The following ZFX variants were observed in gnomAD, a reference collection of about 807,000 sequenced individuals.
The protein encoded by ZFX is zinc finger X-chromosomal protein.
For missense variants in ZFX, 362 were observed against 628.3 expected, an observed-to-expected ratio of 0.58 and a Z score of 4.53; for synonymous variants, 196 against 226.8, an observed-to-expected ratio of 0.86 and a Z score of 1.22.
chrX:24,153,200 A>C (rs1439072538), intron 3 of ZFX, among the ~76,000 whole-genome samples: 1 of 111,866 alleles, frequency 8.9e-6, no homozygotes, highest in Non-Finnish European at 1.9e-5. Flanking sequence ...TTCACTCTTA[A>C]AACTACTCAA....
intron 5 of ZFX, among the ~76,000 whole-genome samples, chrX:24,204,208 T>TG (rs1440866612): frequency 8.9e-6 from 1 of 112,400 alleles, no homozygotes; most frequent in African/African-American, 3.2e-5. Flanking sequence ...GACAAAGGTT[T>TG]GGGGCTGCCA....
At chrX:24,156,742 C>T (rs554653359) in intron 3 of ZFX, among the ~76,000 whole-genome samples, 5 of 104,231 alleles carry the variant, frequency 4.8e-5, no homozygotes, top group African/African-American at 1.8e-4. Flanking sequence ...GCAAGCTTCA[C>T]CTCCTGGGCT....
At chrX:24,175,729 C>A (rs1357887148) in intron 4 of ZFX, among the ~76,000 whole-genome samples, 1 of 111,197 alleles carries the variant, frequency 9.0e-6, no homozygotes, top group Non-Finnish European at 1.9e-5. Context: ...CTGGTGCAGA[C>A]CACCATGCCC....
intron 5 of ZFX, among the ~76,000 whole-genome samples, chrX:24,183,969 C>T (rs1442799682): frequency 4.5e-5 from 5 of 110,382 alleles, no homozygotes; most frequent in Non-Finnish European, 9.5e-5. Context: ...GTTGGCCAGG[C>T]TGATCTCGAT....
Position 24,173,668 on chromosome X carries a change from C to T in ZFX, c.58+868C>T, listed in dbSNP as rs554076469. 225 of 788,634 alleles carry T rather than the reference C, an allele frequency of 2.9e-4. 2 individuals are homozygous for T. In the South Asian group the frequency reaches 4.6e-3, roughly 16 times the overall value. 65.0% of individuals were successfully genotyped at this position (788,634 alleles called of 1,213,427 possible). A position where few individuals can be genotyped will look rare whatever the true frequency, so the allele number is the denominator to read the frequency against. ...TGGCGCCATCTGGGTCCACTGCAAC[C>T]TCCGCCTCCCAGGCTCAAGTGATCT... On this transcript the variant is annotated intron_variant, in intron 4 of 9. Coordinates refer to ENST00000304543, the MANE Select transcript of ZFX (RefSeq NM_003410.4).
At chrX:24,196,582 C>T (rs1282446578) in intron 5 of ZFX, among the ~76,000 whole-genome samples, 2 of 111,552 alleles carry the variant, frequency 1.8e-5, no homozygotes, top group African/African-American at 3.3e-5. Flanking sequence ...TGTCTCCTTT[C>T]CCCCTTGTAT....
intron 5 of ZFX, among the ~76,000 whole-genome samples, chrX:24,196,988 C>T (rs1161252878): frequency 8.9e-6 from 1 of 112,096 alleles, no homozygotes; most frequent in Non-Finnish European, 1.9e-5. Context: ...CCACTAGCCA[C>T]ATATTTGGCT....
At chrX:24,178,048 C>T (rs974766652) in intron 4 of ZFX, among the ~76,000 whole-genome samples, 2 of 107,648 alleles carry the variant, frequency 1.9e-5, no homozygotes, top group Non-Finnish European at 3.8e-5. Context: ...TCTCCTGCCT[C>T]AGCCTCCCGA....
intron 3 of ZFX, among the ~76,000 whole-genome samples, chrX:24,165,273 A>G (rs944029105): frequency 2.0e-4 from 22 of 112,167 alleles, no homozygotes; most frequent in African/African-American, 7.1e-4. Flanking sequence ...GGCACGTGCC[A>G]CCACGCCTGG....
At chrX:24,151,513 G>C (rs1372292324) in intron 1 of ZFX, 178 bp from the exon 2 acceptor site, 1 of 111,570 alleles carries the variant, frequency 9.0e-6, no homozygotes, top group Non-Finnish European at 1.9e-5. Flanking sequence ...AAAGTGGATG[G>C]TATAGGTAGG....
At position 24,173,502 on chromosome X, in the gene ZFX, GA is replaced by G. The variant is rs751776756; in HGVS notation, c.58+710del. On this transcript the variant is annotated intron_variant, in intron 4 of 9. Transcript: ENST00000304543. ...TATACTCAGGAAGTTCTAAAAATAG[GA>G]AAAAAAACAGTATTAGAAAACATGT... 4.9e-3 allele frequency: 5,032 copies of G among 1,020,247 alleles called. 162 individuals carry two copies. In the African/African-American group the frequency reaches 0.087, roughly 18 times the overall value. 84.1% of individuals were successfully genotyped at this position (1,020,247 alleles called of 1,213,427 possible).
intron 5 of ZFX, among the ~76,000 whole-genome samples, chrX:24,201,993 T>C (rs903272970): frequency 9.0e-6 from 1 of 111,636 alleles, no homozygotes; most frequent in Admixed American, 9.5e-5. Flanking sequence ...GTTTTCTCAC[T>C]GATTATCCAA....
At chrX:24,183,458 A>G (rs1169320674) in intron 5 of ZFX, among the ~76,000 whole-genome samples, 3 of 111,505 alleles carry the variant, frequency 2.7e-5, no homozygotes, top group Non-Finnish European at 5.6e-5. Flanking sequence ...AAGTGCTGGG[A>G]TTACGGACGT....
At chrX:24,173,554 T>C in intron 4 of ZFX, 2 of 1,128,243 alleles carry the variant, frequency 1.8e-6, no homozygotes, top group Non-Finnish European at 2.3e-6. Flanking sequence ...TGGTTATAAT[T>C]ATATAACGTT....
upstream of ZFX, among the ~76,000 whole-genome samples, chrX:24,149,021 T>G (rs368108153): frequency 2.3e-3 from 259 of 110,969 alleles, no homozygotes; most frequent in African/African-American, 4.6e-3. Flanking sequence ...GGGATAACCC[T>G]TCTCCCCCCA....
intron 5 of ZFX, among the ~76,000 whole-genome samples, chrX:24,203,856 A>G (rs1937466574): frequency 8.9e-6 from 1 of 112,264 alleles, no homozygotes; most frequent in Non-Finnish European, 1.9e-5. Flanking sequence ...CAGTCATTTC[A>G]GACTCTCATC....
intron 5 of ZFX, among the ~76,000 whole-genome samples, chrX:24,205,962 T>C (rs1937559479): frequency 8.9e-6 from 1 of 111,868 alleles, no homozygotes; most frequent in South Asian, 3.7e-4. Flanking sequence ...TAAATTTTTT[T>C]CCTCTTTTTC....
rs375241570 is a variant in ZFX at position 24,213,072 on chromosome X, A to T, written c.*1696A>T. On this transcript the variant is annotated 3_prime_UTR_variant, in exon 10 of 10. Coordinates refer to ENST00000304543, the MANE Select transcript of ZFX (RefSeq NM_003410.4). ...CAGGCGCCCACCACCACGCCCGGCT[A>T]ATTTTTTGTATTTTTAATAGAGATG... 517 of 109,879 alleles carry T rather than the reference A, an allele frequency of 4.7e-3. 11 individuals carry two copies. The highest frequency in any genetic ancestry group is 8.4e-3 in the South Asian group (21 of 2,502). The allele number at this position is 109,879 out of a possible 1,213,427, so 9.1% of individuals were successfully genotyped here.
intron 3 of ZFX, among the ~76,000 whole-genome samples, chrX:24,153,902 CAG>C (rs199712768): frequency 0.058 from 6,390 of 110,777 alleles, 511 homozygotes; most frequent in African/African-American, 0.2. Context: ...GGTATCCAGT[CAG>C]TGTGTTTTTT....
Sources: allele counts gnomAD v4.1 joint callset (sites outside exome capture counted in the v4.1 genomes callset), GRCh38; gene constraint gnomAD v4.1.1; transcripts MANE v1.5; gene names NCBI Gene and HGNC (gene_info 2026-07-23, HGNC 2026-07-21).